Variants in HCRTR2 observed in about 807,000 individuals in gnomAD.
HCRTR2 encodes the protein orexin receptor type 2.
HCRTR2 carries 22 observed loss-of-function variants against 49.0 expected under a neutral mutation model. The ratio of observed to expected loss-of-function variants is 0.45; its 90% CI spans 0.32 to 0.64. The LOEUF (loss-of-function observed/expected upper bound fraction) is 0.64, where lower values mean the gene tolerates loss of function less well. HCRTR2 is among the 30% of genes least tolerant of loss of function. HCRTR2 has a pLI of 0.04. For missense variants in HCRTR2, 491 were observed against 559.4 expected (o/e 0.88, Z 1.23); for synonymous variants, 236 against 205.3 (o/e 1.15, Z -1.28).
At chr6:55,233,705 C>CAAATAAATAAATAAAT (rs149411463) in intron 1 of HCRTR2, among the ~76,000 whole-genome samples, 51 of 151,766 alleles carry the variant, frequency 3.4e-4, no homozygotes, top group African/African-American at 7.7e-4. Flanking sequence ...TAAAGAATAA[C>CAAATAAATAAATAAAT]AAATAAATAA....
intron 1 of HCRTR2, among the ~76,000 whole-genome samples, chr6:55,210,971 T>G (rs1264923772): frequency 3.3e-5 from 5 of 152,168 alleles, no homozygotes; most frequent in African/African-American, 1.2e-4. Flanking sequence ...AAGATTATAA[T>G]ACCATGCTTT....
chr6:55,217,274 C>T (rs964441119), intron 1 of HCRTR2, among the ~76,000 whole-genome samples: 1 of 152,170 alleles, frequency 6.6e-6, no homozygotes, highest in Non-Finnish European at 1.5e-5. Flanking sequence ...TAACATCTGA[C>T]TCCCTTCTAT....
chr6:55,153,437 A>G (rs887003354), intron 1 of HCRTR2, among the ~76,000 whole-genome samples: 5 of 152,032 alleles, frequency 3.3e-5, no homozygotes, highest in Non-Finnish European at 5.9e-5. Flanking sequence ...GTGTAACACA[A>G]TGGTAATCAT....
intron 1 of HCRTR2, among the ~76,000 whole-genome samples, chr6:55,221,762 G>A (rs1208819366): frequency 6.7e-6 from 1 of 150,216 alleles, no homozygotes; most frequent in Non-Finnish European, 1.5e-5. Flanking sequence ...GCAGTGAGGT[G>A]AGATCACGCC....
intron 1 of HCRTR2, among the ~76,000 whole-genome samples, chr6:55,239,114 C>T (rs1010560999): frequency 2.6e-5 from 4 of 152,158 alleles, no homozygotes; most frequent in African/African-American, 9.7e-5. Flanking sequence ...TTGTCATTTC[C>T]TCCAAAACAA....
At chr6:55,232,910 T>C (rs752002821) in intron 1 of HCRTR2, among the ~76,000 whole-genome samples, 1 of 152,234 alleles carries the variant, frequency 6.6e-6, no homozygotes, top group Non-Finnish European at 1.5e-5. Flanking sequence ...CTATATTATC[T>C]GTCTTCAAAA....
At chr6:55,116,169 C>T (rs1366233942) in intron 1 of HCRTR2, among the ~76,000 whole-genome samples, 2 of 151,564 alleles carry the variant, frequency 1.3e-5, no homozygotes, top group Non-Finnish European at 3.0e-5. Context: ...AAGTTTTCCT[C>T]ATCTGGAATC....
At chr6:55,200,088 T>G (rs1210088728) in intron 1 of HCRTR2, among the ~76,000 whole-genome samples, 1 of 152,228 alleles carries the variant, frequency 6.6e-6, no homozygotes, top group African/African-American at 2.4e-5. Context: ...CCCACCCTGT[T>G]GTAATAACAA....
chr6:55,203,674 C>T (rs770893117), intron 1 of HCRTR2, among the ~76,000 whole-genome samples: 2 of 152,038 alleles, frequency 1.3e-5, no homozygotes, highest in Non-Finnish European at 2.9e-5. Flanking sequence ...AAGTCTTCAG[C>T]AGGAAGGGAG....
At chr6:55,185,120 A>G (rs1352035079) in intron 1 of HCRTR2, among the ~76,000 whole-genome samples, 1 of 152,246 alleles carries the variant, frequency 6.6e-6, no homozygotes, top group Non-Finnish European at 1.5e-5. Context: ...TATTAAAAAT[A>G]GATAAAAACT....
intron 1 of HCRTR2, among the ~76,000 whole-genome samples, chr6:55,111,073 T>C (rs935606046): frequency 2.6e-5 from 4 of 151,992 alleles, no homozygotes; most frequent in Non-Finnish European, 5.9e-5. Context: ...CAAAAGGAAC[T>C]CTCAAAACCA....
rs199991760 is a variant in HCRTR2, at chr6:55,174,526, G to T, written c.-62G>T. 1.5e-5 allele frequency: 20 copies of T among 1,368,282 alleles called. No homozygotes were observed. The South Asian group carries it at 2.3e-4, about 16-fold the overall frequency. 84.8% of individuals were successfully genotyped at this position (1,368,282 alleles called of 1,614,324 possible). On this transcript the variant is annotated 5_prime_UTR_variant, in exon 1 of 7. Coordinates refer to ENST00000370862, the MANE Select transcript of HCRTR2 (RefSeq NM_001384272.1). ...CAGCCTTTCCCACCGCAAATCACCA[G>T]TGCTCATGGGGCAGGCGGAGAGGAG...
chr6:55,114,967 C>A (rs867103849), intron 1 of HCRTR2, among the ~76,000 whole-genome samples: 1 of 151,718 alleles, frequency 6.6e-6, no homozygotes, highest in African/African-American at 2.4e-5. Context: ...GACACTGCTG[C>A]ACTTTCAGAG....
At chr6:55,124,580 A>G (rs777588341) in intron 1 of HCRTR2, among the ~76,000 whole-genome samples, 1 of 152,168 alleles carries the variant, frequency 6.6e-6, no homozygotes, top group African/African-American at 2.4e-5. Flanking sequence ...AGAAGAATGT[A>G]TATTCTGTTG....
chr6:55,270,185 A>ATAG (rs1562028859), intron 4 of HCRTR2, among the ~76,000 whole-genome samples: 1 of 152,208 alleles, frequency 6.6e-6, no homozygotes, highest in Non-Finnish European at 1.5e-5. Context: ...ACTAGTCTCT[A>ATAG]TATAGGCAAC....
At chr6:55,240,044 C>T (rs9357852) in intron 1 of HCRTR2, among the ~76,000 whole-genome samples, 27,405 of 151,578 alleles carry the variant, frequency 0.18, 2,858 homozygotes, top group Non-Finnish European at 0.24. Context: ...CCCAAAGTGC[C>T]GGGATTACAG....
intron 1 of HCRTR2, among the ~76,000 whole-genome samples, chr6:55,124,550 A>T (rs1451487767): frequency 6.6e-6 from 1 of 152,156 alleles, no homozygotes; most frequent in Admixed American, 6.6e-5. Flanking sequence ...CAATTTTAGA[A>T]TAAGTGTGAT....
At chr6:55,204,646 G>A (rs189038869) in intron 1 of HCRTR2, among the ~76,000 whole-genome samples, 3 of 152,230 alleles carry the variant, frequency 2.0e-5, no homozygotes, top group Admixed American at 2.0e-4. Context: ...GTGGAAAAAT[G>A]GATTGTGAGA....
intron 2 of HCRTR2, 55 bp from the exon 3 acceptor site, chr6:55,255,081 G>A (rs1766623802): frequency 1.9e-6 from 3 of 1,593,260 alleles, no homozygotes; most frequent in South Asian, 1.1e-5. Context: ...TATATTAAGA[G>A]TAATTCTTTT....
Sources: gnomAD v4.1 joint callset for allele counts (sites outside exome capture counted in the v4.1 genomes callset) on GRCh38, gnomAD v4.1.1 for gene constraint, MANE v1.5 for transcripts, NCBI Gene and HGNC (gene_info 2026-07-23, HGNC 2026-07-21) for gene names.